The following FXR1 variants were observed in gnomAD, a reference collection of about 807,000 sequenced individuals.
FXR1 encodes FMR1 autosomal homolog 1.
FXR1 carries 15 observed loss-of-function variants against 84.0 expected under a neutral mutation model. The observed-to-expected ratio is 0.18, with a 90% CI of 0.12 to 0.27. The LOEUF (loss-of-function observed/expected upper bound fraction) is 0.27, where lower values mean the gene tolerates loss of function less well. Among genes scored for constraint, FXR1 ranks in the 10% least tolerant of loss-of-function variants. FXR1 has a pLI of 1.00. For synonymous variants in FXR1, 245 were observed against 250.7 expected, an observed-to-expected ratio of 0.98 and a Z score of 0.21; for missense variants, 480 against 774.4, an observed-to-expected ratio of 0.62 and a Z score of 4.51.
intron 15 of FXR1, among the ~76,000 whole-genome samples, chr3:180,972,675 TCTGTA>T (rs1251106199): frequency 6.6e-6 from 1 of 152,164 alleles, no homozygotes; most frequent in Non-Finnish European, 1.5e-5. Context: ...GGCAAAAATT[TCTGTA>T]TGGTATTAAT....
intron 3 of FXR1, among the ~76,000 whole-genome samples, chr3:180,942,918 A>G (rs527522287): frequency 6.6e-6 from 1 of 152,256 alleles, no homozygotes; most frequent in Admixed American, 6.5e-5. Flanking sequence ...TATACTCTTC[A>G]TTTTGTATAG....
chr3:180,917,257 C>A (rs888191362), intron 1 of FXR1, among the ~76,000 whole-genome samples: 2 of 146,708 alleles, frequency 1.4e-5, no homozygotes, highest in Admixed American at 6.8e-5. Flanking sequence ...GGAATTTGAG[C>A]GTAATCTAAA....
intron 1 of FXR1, chr3:180,915,079 G>A (rs1717721601): frequency 2.6e-5 from 6 of 229,802 alleles, no homozygotes; most frequent in Non-Finnish European, 4.4e-5. Flanking sequence ...AAGTAGTTCT[G>A]TGATCCCCAG....
In FXR1 at chr3:180,915,501, A is replaced by G. The variant is rs774886601; in HGVS notation, c.51+2765A>G. 10 of 1,501,982 alleles carry G rather than the reference A, an allele frequency of 6.7e-6. No individual in the cohort carries two copies. The South Asian group carries it at 1.2e-4, about 18-fold the overall frequency. The allele number at this position is 1,501,982 out of a possible 1,614,324, so 93.0% of individuals were successfully genotyped here. ...TTTAATTTTAATTAGTTTTTTTCCA[A>G]TTTAGAAGATAATACATGGTCACTG... On this transcript the variant is annotated intron_variant, in intron 1 of 16. Transcript: ENST00000357559.
chr3:180,943,168 TA>T (rs1354645444), intron 3 of FXR1, among the ~76,000 whole-genome samples: 1 of 151,460 alleles, frequency 6.6e-6, no homozygotes, highest in African/African-American at 2.4e-5. Flanking sequence ...GGTTTCACCA[TA>T]TTGGTCAGGC....
rs185500664 is a variant in FXR1, at chr3:180,915,604, T to G, written c.51+2868T>G. The G allele has an allele frequency of 1.4e-3, 1,191 of 844,892 alleles. 2 individuals are homozygous for G. The highest frequency in any genetic ancestry group is 2.0e-3 in the Non-Finnish European group (1,011 of 515,294). 52.3% of individuals were successfully genotyped at this position (844,892 alleles called of 1,614,324 possible). On this transcript the variant is annotated intron_variant, in intron 1 of 16. Coordinates refer to ENST00000357559, the MANE Select transcript of FXR1 (RefSeq NM_005087.4). ...TTAACATTTTAGTGTATTTCTTTGG[T>G]TTTTTTTGGTGGTTTTTCAATGTAC...
chr3:180,951,936 AC>A (rs1722267353), intron 8 of FXR1, among the ~76,000 whole-genome samples: 2 of 152,178 alleles, frequency 1.3e-5, no homozygotes, highest in South Asian at 4.1e-4. Flanking sequence ...GTGCAGTGGC[AC>A]ACACCTGCAG....
intron 4 of FXR1, 55 bp from the exon 5 acceptor site, chr3:180,948,292 A>G: frequency 7.6e-7 from 1 of 1,321,498 alleles, no homozygotes; most frequent in Non-Finnish European, 1.1e-6. Flanking sequence ...AACTTCATTT[A>G]AACTTCATTA....
chr3:180,963,119 T>C, intron 13 of FXR1, 29 bp downstream of exon 13: 1 of 847,674 alleles, frequency 1.2e-6, no homozygotes. Flanking sequence ...TTTTTTTTTT[T>C]GGTAATAGTA....
chr3:180,922,861 G>C (rs1003676188), intron 1 of FXR1, among the ~76,000 whole-genome samples: 1 of 152,048 alleles, frequency 6.6e-6, no homozygotes, highest in Non-Finnish European at 1.5e-5. Context: ...TGATCTTCCT[G>C]CCTCGGCCTC....
chr3:180,963,204 GGTA>G, intron 13 of FXR1, 114 bp downstream of exon 13: 1 of 601,634 alleles, frequency 1.7e-6, no homozygotes, highest in South Asian at 2.1e-5. Flanking sequence ...TGGCTTTGAG[GGTA>G]GAAGGTAGTT....
At chr3:180,936,722 T>C (rs751673591) in intron 3 of FXR1, among the ~76,000 whole-genome samples, 17 of 152,206 alleles carry the variant, frequency 1.1e-4, no homozygotes, top group Non-Finnish European at 2.5e-4. Flanking sequence ...AGTGAATGCT[T>C]TACTCATTCA....
intron 13 of FXR1, among the ~76,000 whole-genome samples, chr3:180,966,149 G>GT (rs1712804487): frequency 6.6e-6 from 1 of 152,008 alleles, no homozygotes; most frequent in Non-Finnish European, 1.5e-5. Context: ...ATGACATCCT[G>GT]TTAATAAAGT....
intron 10 of FXR1, among the ~76,000 whole-genome samples, chr3:180,959,237 A>G (rs1245419268): frequency 6.6e-6 from 1 of 151,960 alleles, no homozygotes; most frequent in African/African-American, 2.4e-5. Context: ...GCTTTCTAAA[A>G]TTTTTTGTCG....
At chr3:180,950,272 C>T (rs1722092289) in intron 7 of FXR1, among the ~76,000 whole-genome samples, 1 of 152,178 alleles carries the variant, frequency 6.6e-6, no homozygotes, top group African/African-American at 2.4e-5. Flanking sequence ...GAAATGTTCT[C>T]ATTAATTTAA....
chr3:180,981,926 C>T lies in FXR1; in HGVS notation c.*5634C>T, dbSNP rs193073756. The T allele has an allele frequency of 6.6e-6, 1 of 152,084 alleles. No individual in the cohort carries two copies. Among genetic ancestry groups the T allele is most frequent in the Non-Finnish European group, 1.5e-5 (1 of 67,926 alleles). 9.4% of individuals were successfully genotyped at this position (152,084 alleles called of 1,614,324 possible). A position where few individuals can be genotyped will look rare whatever the true frequency, so the allele number is the denominator to read the frequency against. ...ATTCCCAAAGTGTGTTTAATCATGC[C>T]GCCTTCTTTAAAATATATCTGGAAG... On this transcript the variant is annotated 3_prime_UTR_variant, in exon 17 of 17. Transcript: ENST00000357559.
intron 3 of FXR1, among the ~76,000 whole-genome samples, chr3:180,942,377 CAAAAAAAAAAAAAAAAAAAA>C (rs765066164): frequency 3.2e-5 from 1 of 31,106 alleles, no homozygotes; most frequent in African/African-American, 1.1e-4. Context: ...GACTCCGTCT[CAAAAAAAAAAAAAAAAAAAA>C]AAAAAAAAGG....
At chr3:180,950,661 G>C (rs1722141135) in intron 7 of FXR1, among the ~76,000 whole-genome samples, 1 of 151,966 alleles carries the variant, frequency 6.6e-6, no homozygotes, top group Non-Finnish European at 1.5e-5. Context: ...CACAGCCCCT[G>C]ACAACCATCA....
chr3:180,937,454 G>A (rs543643417), intron 3 of FXR1, among the ~76,000 whole-genome samples: 2 of 152,060 alleles, frequency 1.3e-5, no homozygotes, highest in South Asian at 2.1e-4. Flanking sequence ...GTCTGCCTCC[G>A]CTTTTGTGAA....
Sources: allele counts gnomAD v4.1 joint callset (sites outside exome capture counted in the v4.1 genomes callset), GRCh38; gene constraint gnomAD v4.1.1; transcripts MANE v1.5; gene names NCBI Gene and HGNC (gene_info 2026-07-23, HGNC 2026-07-21).